The following FOXN2 variants were observed in gnomAD, a reference collection of about 807,000 sequenced individuals.
The protein encoded by FOXN2 is forkhead box protein N2.
Under a neutral mutation model 41.2 loss-of-function variants are expected in FOXN2, and 19 were observed. The ratio of observed to expected loss-of-function variants is 0.46; its 90% CI spans 0.32 to 0.68. The LOEUF (loss-of-function observed/expected upper bound fraction) is 0.68, where lower values mean the gene tolerates loss of function less well. FOXN2 is among the 30% of genes least tolerant of loss of function. FOXN2 has a pLI of 0.03. For missense variants in FOXN2, 587 were observed against 509.4 expected, an observed-to-expected ratio of 1.15 and a Z score of -1.47; for synonymous variants, 195 against 176.8, an observed-to-expected ratio of 1.10 and a Z score of -0.82.
rs747948726 is a variant in FOXN2, at chr2:48,374,937, C to T, written c.790C>T (p.Leu264Phe). ...GILECEKPLP[L>F]KTALQKKRSY... The stretch of plus-strand genomic sequence containing the variant: ...TTCCACAGGTGAGAAGCCTCTTCCT[C>T]TTAAAACAGCATTGCAAAAAAAGAG... Residue 264 changes from leucine to phenylalanine, a missense_variant, in exon 7 of 7, where the codon CTT (leucine) becomes TTT (phenylalanine). By Grantham distance (22) the Leu-to-Phe change is conservative. Transcript: ENST00000340553. 3.8e-5 allele frequency: 61 copies of T among 1,611,702 alleles called. No individual in the cohort carries two copies. The highest frequency in any genetic ancestry group is 4.9e-5 in the Non-Finnish European group (58 of 1,178,506).
At chr2:48,329,026 G>A (rs1372313880) in intron 2 of FOXN2, among the ~76,000 whole-genome samples, 1 of 151,840 alleles carries the variant, frequency 6.6e-6, no homozygotes, top group Non-Finnish European at 1.5e-5. Flanking sequence ...ATCTTTTGTG[G>A]TACTGCTTTT....
At position 48,338,164 on chromosome 2, in the gene FOXN2, T is replaced by G. The variant is rs1670489045; in HGVS notation, c.-14-8037T>G. On this transcript the variant is annotated intron_variant, in intron 2 of 6. Coordinates refer to ENST00000340553, the MANE Select transcript of FOXN2 (RefSeq NM_002158.4). ...AAATAGGTAACACAAAAAAACTTCCTTTATCACATGGAAACTAAAAAAAGT... is the reference window on the plus strand; with the variant it reads ...AAATAGGTAACACAAAAAAACTTCCGTTATCACATGGAAACTAAAAAAAGT... Among the ~76,000 whole-genome samples, 3 of 152,188 alleles carry G rather than the reference T, an allele frequency of 2.0e-5. No individual in the cohort carries two copies. The South Asian group carries it at 6.2e-4, about 31-fold the overall frequency.
At chr2:48,363,739 T>C (rs1366960944) in intron 5 of FOXN2, among the ~76,000 whole-genome samples, 2 of 152,240 alleles carry the variant, frequency 1.3e-5, no homozygotes, top group Non-Finnish European at 2.9e-5. Flanking sequence ...GTGATACAAT[T>C]ACCTATAGTA....
chr2:48,347,687 C>T (rs746508932), intron 3 of FOXN2, among the ~76,000 whole-genome samples: 10 of 152,130 alleles, frequency 6.6e-5, no homozygotes, highest in East Asian at 1.9e-4. Flanking sequence ...TACCATTTCA[C>T]GTAACTGGCT....
intron 2 of FOXN2, among the ~76,000 whole-genome samples, chr2:48,343,183 C>A (rs570377931): frequency 4.6e-5 from 7 of 152,180 alleles, no homozygotes; most frequent in Non-Finnish European, 1.0e-4. Flanking sequence ...TTTGGCTCCA[C>A]TTTTTATTAG....
At chr2:48,314,098 T>C (rs943207842), upstream of FOXN2, among the ~76,000 whole-genome samples, 1 of 152,232 alleles carries the variant, frequency 6.6e-6, no homozygotes, top group African/African-American at 2.4e-5. Flanking sequence ...TACTTTAAGT[T>C]ACAGCAATGC....
intron 3 of FOXN2, 62 bp from the exon 4 acceptor site, chr2:48,358,985 C>T: frequency 7.8e-7 from 1 of 1,284,686 alleles, no homozygotes; most frequent in Middle Eastern, 2.2e-4. Context: ...TTATTTAAAA[C>T]ATTTAGACGC....
intron 6 of FOXN2, among the ~76,000 whole-genome samples, chr2:48,374,546 T>C (rs1673107285): frequency 6.6e-6 from 1 of 152,176 alleles, no homozygotes. Context: ...ATTACTTGCA[T>C]ATATTCAAGA....
chr2:48,345,397 A>G (rs2104366193), intron 2 of FOXN2, among the ~76,000 whole-genome samples: 1 of 152,212 alleles, frequency 6.6e-6, no homozygotes. Context: ...AGTTCTGGTT[A>G]CACAAGAGGA....
intron 2 of FOXN2, among the ~76,000 whole-genome samples, chr2:48,334,524 G>T (rs1670210003): frequency 1.3e-5 from 2 of 152,148 alleles, no homozygotes. Context: ...CTGGATCAAG[G>T]TACCAAGTAC....
At chr2:48,361,438 G>A (rs9677176) in intron 4 of FOXN2, among the ~76,000 whole-genome samples, 5,160 of 150,848 alleles carry the variant, frequency 0.034, 279 homozygotes, top group African/African-American at 0.12. Flanking sequence ...CTGCTCTCCA[G>A]CCTGGGCGAC....
At chr2:48,333,587 T>C (rs1351000523) in intron 2 of FOXN2, among the ~76,000 whole-genome samples, 1 of 152,184 alleles carries the variant, frequency 6.6e-6, no homozygotes, top group Non-Finnish European at 1.5e-5. Flanking sequence ...GTAAGCTCTT[T>C]ACCCTTATTA....
chr2:48,365,243 C>T (rs1343423370), intron 5 of FOXN2, among the ~76,000 whole-genome samples: 1 of 152,130 alleles, frequency 6.6e-6, no homozygotes, highest in African/African-American at 2.4e-5. Flanking sequence ...TGAAAAAGTT[C>T]TAGAGAACCC....
intron 1 of FOXN2, among the ~76,000 whole-genome samples, chr2:48,322,391 C>G (rs1234249503): frequency 1.3e-5 from 2 of 152,100 alleles, no homozygotes; most frequent in East Asian, 3.8e-4. Flanking sequence ...GTAACCCTGT[C>G]CTTTAAAAAG....
chr2:48,378,201 A>G lies in FOXN2; in HGVS notation c.*2758A>G, dbSNP rs1335590354. 6.6e-6 allele frequency: 1 copy of G among 152,276 alleles called. No homozygotes were observed. Among genetic ancestry groups the G allele is most frequent in the Non-Finnish European group, 1.5e-5 (1 of 67,854 alleles). 9.4% of individuals were successfully genotyped at this position (152,276 alleles called of 1,614,324 possible). On this transcript the variant is annotated 3_prime_UTR_variant, in exon 7 of 7. Transcript: ENST00000340553. ...TATATTTTTGAAGTTTTTTTGTGCA[A>G]TATATTACTAAATCAGTTATTATTT...
At chr2:48,333,076 C>T (rs1670114263) in intron 2 of FOXN2, among the ~76,000 whole-genome samples, 1 of 152,098 alleles carries the variant, frequency 6.6e-6, no homozygotes, top group Non-Finnish European at 1.5e-5. Context: ...TGCCCAATAT[C>T]TCCTAGTGTT....
At chr2:48,345,574 A>G (rs1319184737) in intron 2 of FOXN2, among the ~76,000 whole-genome samples, 1 of 152,202 alleles carries the variant, frequency 6.6e-6, no homozygotes, top group African/African-American at 2.4e-5. Flanking sequence ...CAATATATAC[A>G]TGTATCATAA....
intron 3 of FOXN2, 66 bp from the exon 4 acceptor site, chr2:48,358,981 A>T: frequency 1.6e-6 from 2 of 1,258,326 alleles, no homozygotes; most frequent in Non-Finnish European, 2.3e-6. Flanking sequence ...ACATTTATTT[A>T]AAACATTTAG....
chr2:48,320,179 T>C (rs1347147395), intron 1 of FOXN2, among the ~76,000 whole-genome samples: 1 of 152,188 alleles, frequency 6.6e-6, no homozygotes, highest in Admixed American at 6.5e-5. Flanking sequence ...GTTTATATAC[T>C]ACCTCTTTCT....
Sources: allele counts gnomAD v4.1 joint callset (sites outside exome capture counted in the v4.1 genomes callset), GRCh38; gene constraint gnomAD v4.1.1; transcripts MANE v1.5; gene names NCBI Gene and HGNC (gene_info 2026-07-23, HGNC 2026-07-21).